AFG2A: variants seen among roughly 807,000 people sequenced by gnomAD.
The protein encoded by AFG2A is ATPase family gene 2 protein homolog A.
At chr4:122,995,123 T>A in the AFG2A span, among the ~76,000 whole-genome samples, 1 of 152,136 alleles carries the variant, frequency 6.6e-6, no homozygotes, top group Non-Finnish European at 1.5e-5. Flanking sequence ...TAGAAGAAAT[T>A]CATTTTAGTT....
At chr4:123,065,169 G>T in the AFG2A span, among the ~76,000 whole-genome samples, 1 of 151,946 alleles carries the variant, frequency 6.6e-6, no homozygotes, top group African/African-American at 2.4e-5. Flanking sequence ...TTTTCTCTGT[G>T]ACTTACATTA....
At chr4:123,180,440 A>G in the AFG2A span, among the ~76,000 whole-genome samples, 20 of 152,338 alleles carry the variant, frequency 1.3e-4, no homozygotes, top group African/African-American at 4.6e-4. Flanking sequence ...CACTACTGAT[A>G]TCTAAATCCC....
chr4:122,992,306 C>G, the AFG2A span, among the ~76,000 whole-genome samples: 1 of 152,170 alleles, frequency 6.6e-6, no homozygotes, highest in Non-Finnish European at 1.5e-5. Flanking sequence ...TATTATTTGG[C>G]CTAAGGCCAT....
chr4:123,181,723 T>C, the AFG2A span, among the ~76,000 whole-genome samples: 100,480 of 152,106 alleles, frequency 0.66, 33,921 homozygotes, highest in Non-Finnish European at 0.72. Flanking sequence ...TAGTTCTAGA[T>C]CAAGTTCTGC....
the AFG2A span, among the ~76,000 whole-genome samples, chr4:123,022,936 C>T: frequency 6.7e-5 from 10 of 149,824 alleles, no homozygotes; most frequent in East Asian, 1.4e-3. Flanking sequence ...ATCTCAAGGA[C>T]AAAAAACCAA....
At chr4:123,307,747 G>A in the AFG2A span, among the ~76,000 whole-genome samples, 2 of 152,144 alleles carry the variant, frequency 1.3e-5, no homozygotes, top group Non-Finnish European at 2.9e-5. Context: ...CATAATGGTG[G>A]TCCCATAAGA....
the AFG2A span, among the ~76,000 whole-genome samples, chr4:122,937,428 A>G: frequency 2.0e-5 from 3 of 151,960 alleles, no homozygotes; most frequent in Non-Finnish European, 2.9e-5. Context: ...GGCTCAAGCC[A>G]TTCTCCTGCC....
At chr4:122,992,854 G>A in the AFG2A span, among the ~76,000 whole-genome samples, 1 of 152,094 alleles carries the variant, frequency 6.6e-6, no homozygotes, top group Admixed American at 6.5e-5. Flanking sequence ...TTTACAGCAT[G>A]AATCCTTACA....
At chr4:123,280,983 A>T in the AFG2A span, among the ~76,000 whole-genome samples, 1 of 151,924 alleles carries the variant, frequency 6.6e-6, no homozygotes. Flanking sequence ...AAATTTTCAG[A>T]TATTACCATT....
At chr4:122,948,385 TATACACACAC>T in the AFG2A span, among the ~76,000 whole-genome samples, 175 of 80,278 alleles carry the variant, frequency 2.2e-3, no homozygotes, top group Middle Eastern at 0.019. Context: ...TTCTCCAGAG[TATACACACAC>T]ACACACACAC....
chr4:123,041,713 A>G, the AFG2A span, among the ~76,000 whole-genome samples: 1 of 151,502 alleles, frequency 6.6e-6, no homozygotes, highest in Non-Finnish European at 1.5e-5. Flanking sequence ...TTTTTAGTAG[A>G]GATGTGGTTT....
the AFG2A span, among the ~76,000 whole-genome samples, chr4:123,108,344 C>T: frequency 6.6e-6 from 1 of 151,934 alleles, no homozygotes; most frequent in East Asian, 1.9e-4. Context: ...AGTTTCTAAT[C>T]TAATTTTCAT....
the AFG2A span, among the ~76,000 whole-genome samples, chr4:123,182,075 A>G: frequency 1.3e-5 from 2 of 152,152 alleles, no homozygotes; most frequent in African/African-American, 4.8e-5. Flanking sequence ...CTGTTCATCA[A>G]ATTGATGAAA....
chr4:123,115,926 G>C, the AFG2A span, among the ~76,000 whole-genome samples: 1 of 152,150 alleles, frequency 6.6e-6, no homozygotes, highest in African/African-American at 2.4e-5. Context: ...TTGAGACAGA[G>C]TCTTGTTCCA....
the AFG2A span, among the ~76,000 whole-genome samples, chr4:122,992,444 G>T: frequency 6.6e-6 from 1 of 152,172 alleles, no homozygotes; most frequent in Non-Finnish European, 1.5e-5. Context: ...TCTGTAATTA[G>T]ATTCCTAAAA....
At chr4:122,962,120 T>C in the AFG2A span, among the ~76,000 whole-genome samples, 1 of 152,180 alleles carries the variant, frequency 6.6e-6, no homozygotes, top group African/African-American at 2.4e-5. Flanking sequence ...TTCACACTCC[T>C]AGGAGAATTA....
chr4:123,063,413 C>A, the AFG2A span, among the ~76,000 whole-genome samples: 12 of 152,090 alleles, frequency 7.9e-5, no homozygotes, highest in African/African-American at 2.9e-4. Flanking sequence ...ACATTCAGAT[C>A]AAATCATATA....
the AFG2A span, among the ~76,000 whole-genome samples, chr4:122,976,709 T>C: frequency 6.6e-6 from 1 of 152,202 alleles, no homozygotes; most frequent in Non-Finnish European, 1.5e-5. Flanking sequence ...TATTTCAAAA[T>C]CACATTTCCA....
chr4:123,310,942 C>T, the AFG2A span, among the ~76,000 whole-genome samples: 5 of 152,122 alleles, frequency 3.3e-5, no homozygotes, highest in African/African-American at 1.2e-4. Flanking sequence ...CTAGGACATA[C>T]AGACAGCTGC....
Sources: gnomAD v4.1 joint callset for allele counts (sites outside exome capture counted in the v4.1 genomes callset) on GRCh38, gnomAD v4.1.1 for gene constraint, MANE v1.5 for transcripts, NCBI Gene and HGNC (gene_info 2026-07-23, HGNC 2026-07-21) for gene names.